The following ABCA12 variants were observed in gnomAD, a reference collection of about 807,000 sequenced individuals.
ABCA12 encodes the protein ATP binding cassette subfamily A member 12, also known as glucosylceramide transporter ABCA12.
A neutral mutation model predicts 293.5 loss-of-function variants in ABCA12; 156 were observed. That is an observed-to-expected ratio of 0.53 (90% confidence interval 0.47 to 0.61). The LOEUF (loss-of-function observed/expected upper bound fraction) is 0.61. Ranked by LOEUF, ABCA12 falls within the 20% of genes least tolerant of loss-of-function variation. ABCA12 has a pLI of 0.00. For missense variants in ABCA12, 2,797 were observed against 3,090.2 expected, an observed-to-expected ratio of 0.91 and a Z score of 2.25; for synonymous variants, 1,063 against 1,108.0, an observed-to-expected ratio of 0.96 and a Z score of 0.81.
At chr2:214,982,449 A>G in intron 29 of ABCA12, 66 bp from the exon 30 acceptor site, 1 of 1,361,542 alleles carries the variant, frequency 7.3e-7, no homozygotes. Context: ...GAAACATACA[A>G]TAACCCTAAT....
intron 49 of ABCA12, among the ~76,000 whole-genome samples, chr2:214,943,603 A>C (rs1057029880): frequency 9.9e-5 from 15 of 152,096 alleles, no homozygotes; most frequent in African/African-American, 3.6e-4. Context: ...GCTCCATCAA[A>C]CCTAGTATTT....
At chr2:214,966,490 T>A (rs1045615542) in intron 39 of ABCA12, among the ~76,000 whole-genome samples, 1 of 152,238 alleles carries the variant, frequency 6.6e-6, no homozygotes, top group Non-Finnish European at 1.5e-5. Context: ...TTTAGATTTG[T>A]GAACAGTATT....
chr2:215,007,651 G>T (rs532599517), intron 19 of ABCA12, 76 bp downstream of exon 19: 2 of 1,574,140 alleles, frequency 1.3e-6, no homozygotes, highest in Non-Finnish European at 1.7e-6. Flanking sequence ...CCCCCTTCCC[G>T]TTCACATATT....
At chr2:215,130,471 G>C (rs1293669111) in intron 1 of ABCA12, among the ~76,000 whole-genome samples, 7 of 151,966 alleles carry the variant, frequency 4.6e-5, no homozygotes, top group Non-Finnish European at 1.5e-5. Flanking sequence ...ATATGTCTAG[G>C]TATTTTTTGT....
chr2:215,102,386 G>A (rs1214109125), intron 2 of ABCA12, among the ~76,000 whole-genome samples: 5 of 152,132 alleles, frequency 3.3e-5, no homozygotes, highest in African/African-American at 1.2e-4. Context: ...ATCACTTGAG[G>A]TCAGGAGTTC....
chr2:214,977,896 C>CT (rs966695085), intron 33 of ABCA12, among the ~76,000 whole-genome samples: 5 of 106,464 alleles, frequency 4.7e-5, no homozygotes, highest in African/African-American at 9.1e-5. Context: ...TTTTTTTTTC[C>CT]TTTTTTTTAT....
At chr2:214,956,817 G>T in intron 41 of ABCA12, 39 bp from the exon 42 acceptor site, 1 of 1,394,244 alleles carries the variant, frequency 7.2e-7, no homozygotes, top group Non-Finnish European at 1.0e-6. Flanking sequence ...TACGTGACAA[G>T]CATTTTTCAA....
At chr2:214,987,624 C>T (rs757162728) in intron 27 of ABCA12, 23 bp downstream of exon 27, 16 of 1,602,494 alleles carry the variant, frequency 1.0e-5, no homozygotes, top group Middle Eastern at 1.7e-4. Context: ...TAACAAAGCA[C>T]GCTGTTGACC....
At chr2:214,968,949 A>G (rs1699327372) in intron 37 of ABCA12, 142 bp from the exon 38 acceptor site, 1 of 682,422 alleles carries the variant, frequency 1.5e-6, no homozygotes. Flanking sequence ...CCTGACAAAT[A>G]TTTTACATTT....
At chr2:214,958,027 G>A (rs1000630335) in intron 41 of ABCA12, among the ~76,000 whole-genome samples, 3 of 152,124 alleles carry the variant, frequency 2.0e-5, no homozygotes, top group Admixed American at 6.5e-5. Context: ...CAGATCTGGA[G>A]TGAGGCCCAG....
At chr2:215,005,149 G>A (rs771528979) in intron 19 of ABCA12, among the ~76,000 whole-genome samples, 3 of 152,032 alleles carry the variant, frequency 2.0e-5, no homozygotes, top group Non-Finnish European at 2.9e-5. Flanking sequence ...TTGAGGTAAG[G>A]GCTATTATTA....
chr2:215,055,788 T>C (rs780174796), intron 3 of ABCA12, among the ~76,000 whole-genome samples: 6 of 152,072 alleles, frequency 3.9e-5, no homozygotes, highest in Non-Finnish European at 8.8e-5. Context: ...GCTCCAAAAG[T>C]TCTGCATTCT....
chr2:214,959,508 C>T (rs1367779506), intron 39 of ABCA12, among the ~76,000 whole-genome samples: 4 of 152,090 alleles, frequency 2.6e-5, no homozygotes, highest in African/African-American at 9.7e-5. Flanking sequence ...AAAGAGCAGA[C>T]AGTTACTTCC....
chr2:215,093,572 G>A (rs1223521735), intron 2 of ABCA12, among the ~76,000 whole-genome samples: 3 of 152,194 alleles, frequency 2.0e-5, no homozygotes, highest in East Asian at 1.9e-4. Context: ...CAAACAACTC[G>A]ATCTTATTGT....
At chr2:214,980,015 A>T (rs1185764301) in intron 31 of ABCA12, among the ~76,000 whole-genome samples, 1 of 152,180 alleles carries the variant, frequency 6.6e-6, no homozygotes, top group Non-Finnish European at 1.5e-5. Context: ...CTGCCACTTG[A>T]GGAGTACTAA....
At chr2:215,094,384 C>T (rs2106109950) in intron 2 of ABCA12, among the ~76,000 whole-genome samples, 1 of 152,260 alleles carries the variant, frequency 6.6e-6, no homozygotes, top group Middle Eastern at 3.4e-3. Context: ...ACTTCTGTCC[C>T]TCATGGCCAG....
intron 39 of ABCA12, chr2:214,962,319 C>CA (rs1699136433): frequency 6.6e-6 from 1 of 152,114 alleles, no homozygotes; most frequent in African/African-American, 2.4e-5. Context: ...AGGCAGGAGT[C>CA]AGACAGTCCT....
rs1484893592 is a variant in ABCA12 at position 214,982,071 on chromosome 2, C to A, written c.4579+116G>T. On this transcript the variant is annotated intron_variant, in intron 30 of 52. Transcript: ENST00000272895. ...AAGCAATCCTCCTGTCTTGGCCTCC[C>A]AAAGTGCTGGGATTATAGGCGTGAG... The A allele has an allele frequency of 5.5e-6, 6 of 1,099,248 alleles. 1 individual carries two copies. The Admixed American group carries it at 5.8e-5, about 11-fold the overall frequency. The allele number at this position is 1,099,248 out of a possible 1,614,324, so 68.1% of individuals were successfully genotyped here.
chr2:214,932,805 T>C, intron 52 of ABCA12, 64 bp from the exon 53 acceptor site: 1 of 454,028 alleles, frequency 2.2e-6, no homozygotes. Flanking sequence ...ATAAAGTTAA[T>C]TCATTCTCTC....
Sources: gnomAD v4.1 joint callset for allele counts (sites outside exome capture counted in the v4.1 genomes callset) on GRCh38, gnomAD v4.1.1 for gene constraint, MANE v1.5 for transcripts, NCBI Gene and HGNC (gene_info 2026-07-23, HGNC 2026-07-21) for gene names.